LVRN: variants seen among roughly 807,000 people sequenced by gnomAD.
LVRN encodes the protein laeverin, also known as aminopeptidase Q.
Under a neutral mutation model 111.4 loss-of-function variants are expected in LVRN, and 99 were observed. The ratio of observed to expected loss-of-function variants is 0.89; its 90% CI spans 0.76 to 1.05. The LOEUF is 1.05. Ranked by LOEUF, LVRN falls within the 50% of genes least tolerant of loss-of-function variation. LVRN has a pLI of 0.00. For missense variants in LVRN, 1,414 were observed against 1,206.8 expected (o/e 1.17, Z -2.54); for synonymous variants, 488 against 449.5 (o/e 1.09, Z -1.08).
chr5:116,008,744 T>C (rs999124120), intron 13 of LVRN, among the ~76,000 whole-genome samples: 1 of 152,216 alleles, frequency 6.6e-6, no homozygotes, highest in Non-Finnish European at 1.5e-5. Context: ...TCAATTCTAT[T>C]CAGGCTAAGA....
intron 18 of LVRN, among the ~76,000 whole-genome samples, chr5:116,019,346 A>G (rs570132342): frequency 1.6e-4 from 25 of 152,286 alleles, no homozygotes; most frequent in African/African-American, 6.0e-4. Flanking sequence ...CATATTGTCC[A>G]TTGTTGACTG....
At chr5:116,020,842 C>T (rs946375790) in intron 18 of LVRN, among the ~76,000 whole-genome samples, 2 of 152,226 alleles carry the variant, frequency 1.3e-5, no homozygotes, top group East Asian at 3.9e-4. Context: ...ACTGGAGTAC[C>T]CAAATCACTG....
rs116763327 is a variant in LVRN at position 116,001,220 on chromosome 5, C to G, written c.1801C>G (p.Arg601Gly). 6.2e-7 allele frequency: 1 copy of G among 1,613,812 alleles called. No homozygotes were observed. Among genetic ancestry groups the G allele is most frequent in the South Asian group, 1.1e-5 (1 of 90,976 alleles). Residue 601 changes from arginine (R) to glycine (G), a missense_variant, in exon 10 of 20, where the codon CGG (arginine) becomes GGG (glycine). By Grantham distance (125) the Arg-to-Gly change is moderately radical. Transcript: ENST00000357872. ...ATTTTATCTTGAAAACATTAAAAATCGGACTCTTCTAACCAGCAAGTAGGT... is the reference window on the plus strand; with the variant it reads ...ATTTTATCTTGAAAACATTAAAAATGGGACTCTTCTAACCAGCAAGTAGGT... ...EPFYLENIKN[R>G]TLLTSNDTWI...
At chr5:116,006,732 G>T (rs775847595) in intron 13 of LVRN, among the ~76,000 whole-genome samples, 1 of 152,012 alleles carries the variant, frequency 6.6e-6, no homozygotes, top group African/African-American at 2.4e-5. Flanking sequence ...ATTTTATTAC[G>T]TATCTGTAGA....
chr5:115,996,769 C>T (rs1160499941), intron 6 of LVRN, among the ~76,000 whole-genome samples: 2 of 152,120 alleles, frequency 1.3e-5, no homozygotes, highest in Non-Finnish European at 2.9e-5. Flanking sequence ...TCTAAGAAAG[C>T]AGCAGTCTTG....
intron 3 of LVRN, among the ~76,000 whole-genome samples, chr5:115,986,609 T>C (rs545702851): frequency 9.2e-5 from 14 of 152,312 alleles, no homozygotes; most frequent in Admixed American, 8.5e-4. Flanking sequence ...GGGTCCATTA[T>C]ATACTCTGCA....
chr5:116,018,505 A>T (rs2560693), intron 18 of LVRN, among the ~76,000 whole-genome samples: 142,126 of 152,060 alleles, frequency 0.93, 66,836 homozygotes, highest in African/African-American at 0.97. Flanking sequence ...AAACCCCGTC[A>T]CTACTAAAAA....
At chr5:116,025,491 G>A (rs1428089) in intron 19 of LVRN, among the ~76,000 whole-genome samples, 86,760 of 152,052 alleles carry the variant, frequency 0.57, 26,099 homozygotes, top group African/African-American at 0.76. Context: ...TGAATGCTTG[G>A]CCTGACCCAA....
chr5:116,021,603 A>G, intron 18 of LVRN: 1 of 314,656 alleles, frequency 3.2e-6, no homozygotes, highest in Non-Finnish European at 6.2e-6. Flanking sequence ...TTTCAAGTAC[A>G]TATTTTTGAA....
At chr5:115,964,841 G>C (rs12656290) in intron 1 of LVRN, among the ~76,000 whole-genome samples, 1 of 152,130 alleles carries the variant, frequency 6.6e-6, no homozygotes, top group Admixed American at 6.5e-5. Flanking sequence ...AACCAAGGTA[G>C]AGCTCCAAAA....
At chr5:116,005,761 G>C (rs975214051) in intron 12 of LVRN, 151 bp from the exon 13 acceptor site, 1 of 703,328 alleles carries the variant, frequency 1.4e-6, no homozygotes, top group South Asian at 1.5e-5. Flanking sequence ...TATGGGGACT[G>C]TCCTCAGTAA....
chr5:116,019,046 T>C (rs2112641774), intron 18 of LVRN, among the ~76,000 whole-genome samples: 1 of 152,280 alleles, frequency 6.6e-6, no homozygotes, highest in East Asian at 1.9e-4. Context: ...ATTTAGTCAT[T>C]GTGTGAACAG....
intron 12 of LVRN, among the ~76,000 whole-genome samples, chr5:116,004,180 G>A (rs1251377878): frequency 6.6e-6 from 1 of 152,170 alleles, no homozygotes; most frequent in Admixed American, 6.5e-5. Context: ...CTTCAGAAGA[G>A]AGAAGTTAAT....
At chr5:115,981,142 C>A (rs1190578603) in intron 1 of LVRN, among the ~76,000 whole-genome samples, 2 of 152,176 alleles carry the variant, frequency 1.3e-5, no homozygotes, top group African/African-American at 4.8e-5. Context: ...TTTGTCCAAT[C>A]CCCTTAAAGA....
At chr5:116,021,753 G>A (rs1190260897) in intron 18 of LVRN, 2 of 447,862 alleles carry the variant, frequency 4.5e-6, no homozygotes, top group Admixed American at 2.4e-5. Flanking sequence ...CTTTGAGCAG[G>A]TAAGTGTCTG....
At position 115,995,741 on chromosome 5, in the gene LVRN, C is replaced by T. The variant is rs543185325; in HGVS notation, c.1374+1887C>T. 5.9e-5 allele frequency among the ~76,000 whole-genome samples: 9 copies of T among 152,308 alleles called. No individual in the cohort carries two copies. The South Asian group carries it at 1.9e-3, about 32-fold the overall frequency. On this transcript the variant is annotated intron_variant, in intron 6 of 19. Transcript: ENST00000357872. ...TCATCTTACTCAGTCCTCAAACCAA[C>T]CATATGAGTGCTGTTGTTATTTCTA...
chr5:116,023,111 A>G (rs1319233650), intron 19 of LVRN, among the ~76,000 whole-genome samples: 1 of 152,110 alleles, frequency 6.6e-6, no homozygotes, highest in Non-Finnish European at 1.5e-5. Context: ...CCTATTACCT[A>G]TTCTAGGAAC....
chr5:116,025,806 T>C lies in LVRN; in HGVS notation c.2833-172T>C, dbSNP rs147361028. Among the ~76,000 whole-genome samples the C allele has an allele frequency of 7.9e-5, 12 of 152,340 alleles. No homozygotes were observed. The East Asian group carries it at 1.7e-3, about 22-fold the overall frequency. ...TGGGGTAGGTGTGGTGTTCATCACA[T>C]TGTCTCAGTCACAGTCTCCCCAGGG... On this transcript the variant is annotated intron_variant, in intron 19 of 19. Transcript: ENST00000357872.
chr5:116,006,278 A>G (rs1251581614), intron 13 of LVRN, among the ~76,000 whole-genome samples: 3 of 152,186 alleles, frequency 2.0e-5, no homozygotes, highest in African/African-American at 7.2e-5. Context: ...TACTCAGTGT[A>G]AGATATGCTG....
Sources: gnomAD v4.1 joint callset for allele counts (sites outside exome capture counted in the v4.1 genomes callset) on GRCh38, gnomAD v4.1.1 for gene constraint, MANE v1.5 for transcripts, NCBI Gene and HGNC (gene_info 2026-07-23, HGNC 2026-07-21) for gene names.